PCDHGA3: variants seen among roughly 807,000 people sequenced by gnomAD.
PCDHGA3 encodes protocadherin gamma subfamily A, 3, also known as protocadherin gamma-A3.
Under a neutral mutation model 58.5 loss-of-function variants are expected in PCDHGA3, and 40 were observed. The observed-to-expected ratio is 0.68, with a 90% CI of 0.53 to 0.89. The LOEUF (loss-of-function observed/expected upper bound fraction) is 0.89, where lower values mean the gene tolerates loss of function less well. Ranked by LOEUF, PCDHGA3 falls within the 40% of genes least tolerant of loss-of-function variation. The pLI is 0.00. For synonymous variants in PCDHGA3, 530 were observed against 525.7 expected, an observed-to-expected ratio of 1.01 and a Z score of -0.11; for missense variants, 1,223 against 1,195.9, an observed-to-expected ratio of 1.02 and a Z score of -0.33.
chr5:141,410,623 G>A (rs2154543147), intron 1 of PCDHGA3: 1 of 1,603,052 alleles, frequency 6.2e-7, no homozygotes, highest in Non-Finnish European at 8.5e-7. Flanking sequence ...TGACTTCGGT[G>A]AGTTTCTCTT....
intron 1 of PCDHGA3, chr5:141,383,450 G>A: frequency 6.2e-7 from 1 of 1,613,960 alleles, no homozygotes; most frequent in Non-Finnish European, 8.5e-7. Context: ...GCTGTGCAAA[G>A]TGGAGACGAT....
intron 1 of PCDHGA3, chr5:141,357,623 T>A (rs1394776476): frequency 6.2e-7 from 1 of 1,613,680 alleles, no homozygotes; most frequent in Admixed American, 1.7e-5. Context: ...AATCTTCAGG[T>A]GAGTCAATCT....
chr5:141,389,449 A>T lies in PCDHGA3; in HGVS notation c.2424+42992A>T, dbSNP rs771507101. The stretch of plus-strand genomic sequence containing the variant: ...GCGCAGCGCGCCTTCGACCACGAGC[A>T]GCTGCGCGCCTTCGAACTCACACTG... On this transcript the variant is annotated intron_variant, in intron 1 of 3. Coordinates refer to ENST00000253812, the MANE Select transcript of PCDHGA3 (RefSeq NM_018916.4). 17 of 1,610,420 alleles carry T rather than the reference A, an allele frequency of 1.1e-5. No individual in the cohort carries two copies. In the African/African-American group the frequency reaches 2.3e-4, roughly 22 times the overall value.
At chr5:141,364,873 T>A (rs1002059027) in intron 1 of PCDHGA3, 1 of 1,613,852 alleles carries the variant, frequency 6.2e-7, no homozygotes, top group Non-Finnish European at 8.5e-7. Flanking sequence ...TCTCTCTGGA[T>A]GTGGTAAGCG....
intron 1 of PCDHGA3, chr5:141,365,695 C>T: frequency 6.2e-7 from 1 of 1,613,656 alleles, no homozygotes; most frequent in Non-Finnish European, 8.5e-7. Context: ...TCCCTCAAGC[C>T]TCCTACTCCA....
intron 1 of PCDHGA3, chr5:141,404,766 C>T (rs1489047184): frequency 6.2e-7 from 1 of 1,613,940 alleles, no homozygotes; most frequent in East Asian, 2.2e-5. Flanking sequence ...GCTTGGCTCT[C>T]CTACCGCCTA....
chr5:141,432,374 C>A lies in PCDHGA3; in HGVS notation c.2425-62433C>A. 2.5e-6 allele frequency: 4 copies of A among 1,614,240 alleles called. No individual in the cohort carries two copies. Among genetic ancestry groups the A allele is most frequent in the Non-Finnish European group, 3.4e-6 (4 of 1,180,042 alleles). On this transcript the variant is annotated intron_variant, in intron 1 of 3. Coordinates refer to ENST00000253812, the MANE Select transcript of PCDHGA3 (RefSeq NM_018916.4). This position sits in a 1 kb window ranked among gnomAD's most constrained non-coding sequence, Gnocchi z 6.0. ...GAAAGTGATGGCGCGGGACAACGGG[C>A]ACCCGCCCCTCAGCAGCAACGTGTC...
chr5:141,419,206 G>T, intron 1 of PCDHGA3: 1 of 1,613,876 alleles, frequency 6.2e-7, no homozygotes, highest in Non-Finnish European at 8.5e-7. Flanking sequence ...ATGACAACGC[G>T]CCGGTTTTCG....
intron 1 of PCDHGA3, chr5:141,376,712 C>A (rs1323983418): frequency 3.2e-6 from 2 of 620,108 alleles, no homozygotes; most frequent in South Asian, 2.1e-5. Context: ...CGGAGTCTCG[C>A]TCTGTCGCCC....
intron 1 of PCDHGA3, chr5:141,360,281 A>G (rs1285317492): frequency 6.2e-7 from 1 of 1,613,728 alleles, no homozygotes; most frequent in Non-Finnish European, 8.5e-7. Context: ...GTCGTAGGAA[A>G]CCTCGCCAAG....
chr5:141,389,799 C>T (rs763321545), intron 1 of PCDHGA3: 2 of 1,613,678 alleles, frequency 1.2e-6, no homozygotes, highest in Non-Finnish European at 1.7e-6. Context: ...CGTCCGCCAG[C>T]GCCTTCTGGT....
intron 1 of PCDHGA3, among the ~76,000 whole-genome samples, chr5:141,347,774 G>C (rs2149746532): frequency 6.7e-6 from 1 of 148,790 alleles, no homozygotes; most frequent in Admixed American, 6.7e-5. Flanking sequence ...GCAATAGAGA[G>C]AGACTCCATC....
intron 1 of PCDHGA3, chr5:141,427,739 C>G: frequency 2.4e-6 from 3 of 1,232,634 alleles, no homozygotes; most frequent in Non-Finnish European, 3.5e-6. Context: ...ATGGCCAAGT[C>G]TCCTACTCCA....
At chr5:141,439,668 A>C (rs944454917) in intron 1 of PCDHGA3, among the ~76,000 whole-genome samples, 1 of 152,230 alleles carries the variant, frequency 6.6e-6, no homozygotes, top group Non-Finnish European at 1.5e-5. Context: ...CATGGAATGC[A>C]AATCCAAGAG....
intron 1 of PCDHGA3, among the ~76,000 whole-genome samples, chr5:141,492,882 C>G (rs2099744816): frequency 6.6e-6 from 1 of 152,218 alleles, no homozygotes; most frequent in Admixed American, 6.5e-5. Context: ...CCCAGAGATA[C>G]AGGCTTTTGG....
At chr5:141,495,480 C>A (rs2099761689) in intron 2 of PCDHGA3, among the ~76,000 whole-genome samples, 1 of 152,208 alleles carries the variant, frequency 6.6e-6, no homozygotes, top group African/African-American at 2.4e-5. Flanking sequence ...CGTGTCTCTG[C>A]CCCTTTTTCT....
intron 1 of PCDHGA3, chr5:141,376,412 G>A (rs1772658839): frequency 1.9e-6 from 3 of 1,614,164 alleles, no homozygotes; most frequent in African/African-American, 1.3e-5. Context: ...CAACTATGCC[G>A]ACACGCTTAT....
rs1301352900 is a variant in PCDHGA3, at chr5:141,491,765, A to T, written c.2425-3042A>T. ...GGCACTGGAGAAGCCGCCCGTCCTC[A>T]TAAGGGATTGAACTTGCATCCACTC... On this transcript the variant is annotated intron_variant, in intron 1 of 3. Transcript: ENST00000253812. The surrounding 1 kb of genome is among the most constrained non-coding windows in gnomAD (Gnocchi z 6.9). 1.3e-6 allele frequency: 2 copies of T among 1,569,228 alleles called. No individual in the cohort carries two copies. Among genetic ancestry groups the T allele is most frequent in the Non-Finnish European group, 1.7e-6 (2 of 1,158,736 alleles).
chr5:141,415,081 C>A, intron 1 of PCDHGA3: 2 of 1,613,522 alleles, frequency 1.2e-6, no homozygotes, highest in Non-Finnish European at 1.7e-6. Flanking sequence ...GGCGCGAGCC[C>A]TGCTGGACAG....
Sources: allele counts gnomAD v4.1 joint callset (sites outside exome capture counted in the v4.1 genomes callset), GRCh38; gene constraint gnomAD v4.1.1; non-coding constraint Gnocchi (gnomAD v3.1); transcripts MANE v1.5; gene names NCBI Gene and HGNC (gene_info 2026-07-23, HGNC 2026-07-21).